Variants in FMN1 observed in about 807,000 individuals in gnomAD.
FMN1 encodes formin 1.
A neutral mutation model predicts 132.4 loss-of-function variants in FMN1; 110 were observed. That is an observed-to-expected ratio of 0.83 (90% CI 0.71 to 0.97). FMN1 has a LOEUF of 0.97. FMN1 is among the 50% of genes least tolerant of loss of function. The probability of loss-of-function intolerance (pLI) is 0.00; values close to 1 mark genes in which losing one functional copy is unlikely to be tolerated. For synonymous variants in FMN1, 722 were observed against 651.7 expected, an observed-to-expected ratio of 1.11 and a Z score of -1.64; for missense variants, 1,792 against 1,705.3, an observed-to-expected ratio of 1.05 and a Z score of -0.90.
chr15:32,856,146 C>A (rs2059126655), intron 17 of FMN1, among the ~76,000 whole-genome samples: 1 of 152,148 alleles, frequency 6.6e-6, no homozygotes, highest in South Asian at 2.1e-4. Flanking sequence ...TATGCATTCA[C>A]CCTGCTTAAC....
At chr15:32,932,145 T>C (rs1288415330) in intron 9 of FMN1, among the ~76,000 whole-genome samples, 1 of 152,212 alleles carries the variant, frequency 6.6e-6, no homozygotes. Context: ...ATGCCTGTAA[T>C]CCCAGCACTT....
At chr15:32,902,653 A>G (rs935828202) in intron 12 of FMN1, among the ~76,000 whole-genome samples, 1 of 152,242 alleles carries the variant, frequency 6.6e-6, no homozygotes, top group African/African-American at 2.4e-5. Context: ...GCAGGCACTC[A>G]TTAAGTAGAC....
chr15:32,976,305 G>A (rs925191078), intron 7 of FMN1, among the ~76,000 whole-genome samples: 1 of 152,020 alleles, frequency 6.6e-6, no homozygotes, highest in African/African-American at 2.4e-5. Context: ...AGGAAAGTGA[G>A]GCTTGTGAGC....
rs781349125 is a variant in FMN1 at position 32,901,951 on chromosome 15, G to A, written c.3467C>T (p.Ser1156Phe). ...GATGATCTCTACCTTTCTGTGCAAG[G>A]AGGTGATACCCTCAGAAAAGACAGA... ...FRSVFSEGIT[S>F]LHRKVEIITR... Residue 1156 changes from serine to phenylalanine, a missense_variant, in exon 13 of 21, where the codon TCC becomes TTC. Coordinates refer to ENST00000616417, the MANE Select transcript of FMN1 (RefSeq NM_001277313.2). 1.2e-6 allele frequency: 2 copies of A among 1,613,052 alleles called. No homozygotes were observed. Among genetic ancestry groups the A allele is most frequent in the Non-Finnish European group, 1.7e-6 (2 of 1,179,466 alleles).
chr15:32,894,778 C>A (rs1281917219), intron 15 of FMN1, among the ~76,000 whole-genome samples: 10 of 138,608 alleles, frequency 7.2e-5, no homozygotes, highest in Non-Finnish European at 1.1e-4. Context: ...AGAGAGAAGA[C>A]AGTTAAAAAA....
chr15:33,066,968 GC>G (rs746092724), intron 5 of FMN1: 1 of 1,613,942 alleles, frequency 6.2e-7, no homozygotes. Flanking sequence ...TTTGAGCAAA[GC>G]TAAGTCCCCA....
intron 15 of FMN1, among the ~76,000 whole-genome samples, chr15:32,894,520 T>C (rs2060108264): frequency 6.6e-6 from 1 of 151,490 alleles, no homozygotes. Context: ...AACAATGAAT[T>C]CTGAACCTCA....
At chr15:32,840,346 G>A (rs148104629) in intron 17 of FMN1, among the ~76,000 whole-genome samples, 25 of 152,248 alleles carry the variant, frequency 1.6e-4, no homozygotes, top group African/African-American at 5.3e-4. Context: ...TTCCCAGGAG[G>A]AGCCATGATA....
Position 32,985,863 on chromosome 15 carries a change from C to A in FMN1, c.2224-16386G>T, listed in dbSNP as rs547633854. Among the ~76,000 whole-genome samples, 10 of 152,196 alleles carry A rather than the reference C, an allele frequency of 6.6e-5. No homozygotes were observed. In the East Asian group the frequency reaches 1.7e-3, roughly 26 times the overall value. On this transcript the variant is annotated intron_variant, in intron 7 of 20. Coordinates refer to ENST00000616417, the MANE Select transcript of FMN1 (RefSeq NM_001277313.2). ...AATAAAGATATTAATATTGCCATAA[C>A]TGTGAATGCACATCACATTTTAATT...
At chr15:32,876,064 C>T (rs550988557) in intron 16 of FMN1, among the ~76,000 whole-genome samples, 1 of 151,820 alleles carries the variant, frequency 6.6e-6, no homozygotes, top group Non-Finnish European at 1.5e-5. Context: ...TTTAAAAAAC[C>T]AAAAAAACAG....
At chr15:33,026,076 T>G (rs1031797673) in intron 6 of FMN1, among the ~76,000 whole-genome samples, 1 of 148,360 alleles carries the variant, frequency 6.7e-6, no homozygotes, top group African/African-American at 2.5e-5. Context: ...AAAAAACCCA[T>G]GCTATATATT....
rs116563742 is a variant in FMN1, at chr15:32,991,056, T to C, written c.2223+16958A>G. On this transcript the variant is annotated intron_variant, in intron 7 of 20. Coordinates refer to ENST00000616417, the MANE Select transcript of FMN1 (RefSeq NM_001277313.2). The stretch of plus-strand genomic sequence containing the variant: ...AAAGAGCAGAAGCAGCAGTAGATGA[T>C]ATCAAAGAGAACAGGTGAAGAAACA... Among the ~76,000 whole-genome samples the C allele has an allele frequency of 3.1e-3, 474 of 152,212 alleles. 4 individuals are homozygous for C. The highest frequency in any genetic ancestry group is 0.01 in the Middle Eastern group (3 of 294).
At chr15:32,961,277 G>A (rs547850426) in intron 9 of FMN1, among the ~76,000 whole-genome samples, 9 of 151,848 alleles carry the variant, frequency 5.9e-5, no homozygotes, top group African/African-American at 2.2e-4. Flanking sequence ...GAGATTACAG[G>A]CGCCCGCCAC....
intron 17 of FMN1, 100 bp downstream of exon 17, chr15:32,856,914 TG>T: frequency 2.6e-6 from 2 of 781,086 alleles, no homozygotes; most frequent in Non-Finnish European, 4.5e-6. Flanking sequence ...GAGCTGCCTG[TG>T]GTCAGCCAGG....
intron 16 of FMN1, among the ~76,000 whole-genome samples, chr15:32,875,626 C>G (rs1264913761): frequency 6.6e-6 from 1 of 152,112 alleles, no homozygotes; most frequent in Non-Finnish European, 1.5e-5. Flanking sequence ...GGGAAAGAAT[C>G]TACGAGAGAT....
chr15:33,132,303 A>G (rs1452922605), intron 4 of FMN1, among the ~76,000 whole-genome samples: 3 of 152,164 alleles, frequency 2.0e-5, no homozygotes, highest in Admixed American at 1.3e-4. Flanking sequence ...CAGCTTCTCT[A>G]TAACCACACT....
intron 17 of FMN1, among the ~76,000 whole-genome samples, chr15:32,851,530 T>C (rs1194054362): frequency 6.6e-6 from 1 of 152,162 alleles, no homozygotes; most frequent in African/African-American, 2.4e-5. Flanking sequence ...AACTGAGCTA[T>C]AAACCAGCTT....
chr15:32,899,151 A>T (rs1239913961), intron 14 of FMN1, among the ~76,000 whole-genome samples: 1 of 68,078 alleles, frequency 1.5e-5, no homozygotes, highest in Non-Finnish European at 3.0e-5. Context: ...TGGCTAAAAC[A>T]AACAAAAAAG....
intron 10 of FMN1, among the ~76,000 whole-genome samples, chr15:32,919,157 T>TGG (rs36036866): frequency 0.011 from 1,642 of 151,564 alleles, 35 homozygotes; most frequent in Admixed American, 0.057. Context: ...CATATTGTGA[T>TGG]GGGGGGGGTA....
Sources: allele counts gnomAD v4.1 joint callset (sites outside exome capture counted in the v4.1 genomes callset), GRCh38; gene constraint gnomAD v4.1.1; transcripts MANE v1.5; gene names NCBI Gene and HGNC (gene_info 2026-07-23, HGNC 2026-07-21).